Variants in CACNA2D2 observed in about 807,000 individuals in gnomAD.
CACNA2D2 encodes the protein voltage-dependent calcium channel subunit alpha-2/delta-2.
Under a neutral mutation model 166.4 loss-of-function variants are expected in CACNA2D2, and 48 were observed. The observed-to-expected ratio is 0.29, with a 90% CI of 0.23 to 0.37. The LOEUF (loss-of-function observed/expected upper bound fraction) is 0.37, where lower values mean the gene tolerates loss of function less well. Ranked by LOEUF, CACNA2D2 falls within the 10% of genes least tolerant of loss-of-function variation. The pLI is 1.00. For synonymous variants in CACNA2D2, 561 were observed against 573.7 expected, an observed-to-expected ratio of 0.98 and a Z score of 0.32; for missense variants, 1,122 against 1,433.0, an observed-to-expected ratio of 0.78 and a Z score of 3.50.
intron 1 of CACNA2D2, among the ~76,000 whole-genome samples, chr3:50,480,393 T>A (rs1697992711): frequency 1.3e-5 from 2 of 151,988 alleles, no homozygotes; most frequent in Admixed American, 1.3e-4. Context: ...GGCTAGCAGC[T>A]CATGCAATAC....
In CACNA2D2 at chr3:50,368,168, T is replaced by A. The variant is rs1266791814; in HGVS notation, c.2113A>T (p.Met705Leu). ...TEFLKNFIEL[M>L]EKVTPDSKQC... ...TTGGAGTCTGGAGTCACTTTCTCCA[T>A]GAGCTCAATAAAGTTTTTCAGGAAC... The change falls in exon 24 of 38, where the codon ATG (methionine) becomes TTG (leucine). Residue 705 changes from methionine to leucine, a missense_variant. Transcript: ENST00000424201. The A allele has an allele frequency of 6.2e-7, 1 of 1,613,100 alleles. No homozygotes were observed. Among genetic ancestry groups the A allele is most frequent in the Admixed American group, 1.7e-5 (1 of 60,032 alleles).
At chr3:50,401,336 G>A (rs1173666514) in intron 3 of CACNA2D2, among the ~76,000 whole-genome samples, 1 of 152,148 alleles carries the variant, frequency 6.6e-6, no homozygotes, top group Non-Finnish European at 1.5e-5. Flanking sequence ...TCCCTCTGCA[G>A]CAGGGCAGCC....
chr3:50,385,548 G>A (rs1270654440), intron 5 of CACNA2D2, among the ~76,000 whole-genome samples: 1 of 152,274 alleles, frequency 6.6e-6, no homozygotes, highest in East Asian at 1.9e-4. Context: ...AGCCAGATGC[G>A]CTCTCCACAC....
At chr3:50,419,000 G>A (rs1485866588) in intron 3 of CACNA2D2, among the ~76,000 whole-genome samples, 2 of 152,174 alleles carry the variant, frequency 1.3e-5, no homozygotes, top group African/African-American at 4.8e-5. Flanking sequence ...GAAGCCCTAA[G>A]ATGGAGTTGC....
chr3:50,449,411 G>A (rs1223961596), intron 2 of CACNA2D2, among the ~76,000 whole-genome samples: 1 of 152,210 alleles, frequency 6.6e-6, no homozygotes, highest in Admixed American at 6.5e-5. Context: ...CAGTCGCCCA[G>A]GAGAGCTGGG....
At chr3:50,373,650 G>A (rs1248164021) in intron 22 of CACNA2D2, among the ~76,000 whole-genome samples, 1 of 126,594 alleles carries the variant, frequency 7.9e-6, no homozygotes, top group Non-Finnish European at 1.7e-5. Context: ...GAGAGCGGGA[G>A]GGAGGGAGAG....
At chr3:50,470,124 C>A (rs1439341148) in intron 2 of CACNA2D2, among the ~76,000 whole-genome samples, 1 of 152,206 alleles carries the variant, frequency 6.6e-6, no homozygotes, top group Admixed American at 6.5e-5. Flanking sequence ...CCTGCCCCAG[C>A]GCTGCCCTGC....
chr3:50,416,319 GGAA>G (rs1707261455), intron 3 of CACNA2D2: 1 of 152,496 alleles, frequency 6.6e-6, no homozygotes, highest in South Asian at 2.1e-4. Context: ...GAGATTCCCA[GGAA>G]GAAAGGAGGA....
In CACNA2D2 at chr3:50,380,147, G is replaced by T; in HGVS notation, c.843-129C>A. The T allele has an allele frequency of 1.2e-6, 1 of 861,182 alleles. No individual in the cohort carries two copies. The highest frequency in any genetic ancestry group is 1.9e-6 in the Non-Finnish European group (1 of 526,694). The allele number at this position is 861,182 out of a possible 1,614,324, so 53.3% of individuals were successfully genotyped here. On this transcript the variant is annotated intron_variant, in intron 8 of 37. Coordinates refer to ENST00000424201, the MANE Select transcript of CACNA2D2 (RefSeq NM_006030.4). This position sits in a 1 kb window ranked among gnomAD's most constrained non-coding sequence, Gnocchi z 4.9. ...CTGTGTGGGCCAGGCAGGGTTCTAT[G>T]CACCGATGATACCACATTTAACGAA...
intron 4 of CACNA2D2, among the ~76,000 whole-genome samples, chr3:50,392,626 A>G (rs966177195): frequency 1.3e-5 from 2 of 152,184 alleles, no homozygotes; most frequent in African/African-American, 4.8e-5. Context: ...TCAGGGCCCA[A>G]GGGCTGGTGT....
chr3:50,393,642 C>T (rs1705994362), intron 4 of CACNA2D2, among the ~76,000 whole-genome samples: 2 of 152,210 alleles, frequency 1.3e-5, no homozygotes, highest in Non-Finnish European at 1.5e-5. Flanking sequence ...CAGCCCAGTC[C>T]CCTGAGCCCA....
At chr3:50,441,996 A>C (rs1043189356) in intron 2 of CACNA2D2, among the ~76,000 whole-genome samples, 7 of 152,206 alleles carry the variant, frequency 4.6e-5, no homozygotes, top group Admixed American at 3.3e-4. Context: ...GAATGCTGAG[A>C]AGGGACTCAC....
chr3:50,457,995 C>A (rs895663391), intron 2 of CACNA2D2, among the ~76,000 whole-genome samples: 4 of 152,154 alleles, frequency 2.6e-5, no homozygotes, highest in African/African-American at 9.7e-5. Flanking sequence ...AAGGGATGAG[C>A]CTCAGCCACC....
chr3:50,503,218 G>A lies in CACNA2D2; in HGVS notation c.206C>T (p.Thr69Met). ...CTCGCGGCCGGCCGAGGCCACTTAC[G>A]TGTGCTGCTGGGGGAAGCTGTAGGC... Reference protein sequence around the residue: ...ASAYSFPQQHTMQHWARRLEQ... With the variant: ...ASAYSFPQQHMMQHWARRLEQ... The change falls in exon 1 of 38, where the codon ACG (threonine) becomes ATG (methionine). Residue 69 changes from threonine (T) to methionine (M), a missense_variant and splice_region_variant. Around this residue, in one of 2 missense-constraint regions of CACNA2D2, gnomAD observed 840 missense variants for 1,166.8 expected, o/e 0.72. Transcript: ENST00000424201. The A allele has an allele frequency of 8.4e-7, 1 of 1,192,190 alleles. No individual in the cohort carries two copies. Among genetic ancestry groups the A allele is most frequent in the Non-Finnish European group, 1.0e-6 (1 of 961,586 alleles). 73.9% of individuals were successfully genotyped at this position (1,192,190 alleles called of 1,614,324 possible).
rs1705003433 is a variant in CACNA2D2 at position 50,376,508 on chromosome 3, T to C, written c.1627-320A>G. Among the ~76,000 whole-genome samples the C allele has an allele frequency of 6.6e-6, 1 of 152,198 alleles. No homozygotes were observed. On this transcript the variant is annotated intron_variant, in intron 17 of 37. Coordinates refer to ENST00000424201, the MANE Select transcript of CACNA2D2 (RefSeq NM_006030.4). This position sits in a 1 kb window ranked among gnomAD's most constrained non-coding sequence, Gnocchi z 4.3. The stretch of plus-strand genomic sequence containing the variant: ...GCCACCACCGGCCCCACAGGTCTGC[T>C]GCTTCTGTACCCCTGTGGCCCTCCT...
At chr3:50,441,422 A>G (rs1187869702) in intron 2 of CACNA2D2, among the ~76,000 whole-genome samples, 4 of 152,252 alleles carry the variant, frequency 2.6e-5, no homozygotes, top group African/African-American at 9.6e-5. Context: ...CTGCCTCGTT[A>G]CGCTGTAAAA....
intron 2 of CACNA2D2, among the ~76,000 whole-genome samples, chr3:50,448,485 A>G (rs2106945320): frequency 6.6e-6 from 1 of 152,312 alleles, no homozygotes; most frequent in South Asian, 2.1e-4. Context: ...TGGGCACCTC[A>G]GGCCCAAGCA....
chr3:50,472,732 G>A (rs1014093286), intron 2 of CACNA2D2, among the ~76,000 whole-genome samples: 3 of 152,156 alleles, frequency 2.0e-5, no homozygotes, highest in Admixed American at 6.5e-5. Context: ...GGGCTTCAGA[G>A]AGGGGAGACC....
At chr3:50,435,799 T>A (rs1300959541) in intron 2 of CACNA2D2, among the ~76,000 whole-genome samples, 1 of 152,144 alleles carries the variant, frequency 6.6e-6, no homozygotes, top group African/African-American at 2.4e-5. Flanking sequence ...CTTTTTGTCC[T>A]TCTTTTAGAA....
Sources: gnomAD v4.1 joint callset for allele counts (sites outside exome capture counted in the v4.1 genomes callset) on GRCh38, gnomAD v4.1.1 for gene constraint, gnomAD v4.1.1 regional missense constraint, Gnocchi (gnomAD v3.1) non-coding constraint, MANE v1.5 for transcripts, NCBI Gene and HGNC (gene_info 2026-07-23, HGNC 2026-07-21) for gene names.